TUSC3: variants seen among roughly 807,000 people sequenced by gnomAD.
The protein encoded by TUSC3 is tumor suppressor candidate 3.
TUSC3 carries 45 observed loss-of-function variants against 44.8 expected under a neutral mutation model. The observed-to-expected ratio is 1.00, with a 90% CI of 0.79 to 1.29. The LOEUF is 1.29. TUSC3 is among the 50% of genes most tolerant of loss of function. The pLI, the probability that TUSC3 is intolerant of heterozygous loss-of-function variation, is 0.00. For synonymous variants in TUSC3, 212 were observed against 152.9 expected (o/e 1.39, Z -2.85); for missense variants, 519 against 437.9 (o/e 1.19, Z -1.65).
At chr8:15,561,748 G>C (rs984634207) in intron 1 of TUSC3, 7 of 145,616 alleles carry the variant, frequency 4.8e-5, no homozygotes, top group Admixed American at 1.4e-4. Flanking sequence ...CAGTATTCGG[G>C]TATGAGTGAC....
rs185922804 is a variant in TUSC3, at chr8:15,601,737, A to G, written c.139-21343A>G. Among the ~76,000 whole-genome samples, 34 of 151,778 alleles carry G rather than the reference A, an allele frequency of 2.2e-4. 1 individual carries two copies. Among genetic ancestry groups the G allele is most frequent in the Middle Eastern group, 3.4e-3 (1 of 294 alleles). On this transcript the variant is annotated intron_variant, in intron 1 of 10. Coordinates refer to ENST00000503731, the MANE Select transcript of TUSC3 (RefSeq NM_006765.4). ...AAGTAAAGAAATGTACAGTGGTATTATGTATAGTAACAATGGTTCTAATGT... is the reference window on the plus strand; with the variant it reads ...AAGTAAAGAAATGTACAGTGGTATTGTGTATAGTAACAATGGTTCTAATGT...
chr8:15,774,003 T>A, the TUSC3 span, among the ~76,000 whole-genome samples: 1 of 152,182 alleles, frequency 6.6e-6, no homozygotes, highest in Non-Finnish European at 1.5e-5. Flanking sequence ...GTTTCTTGGA[T>A]ATGACTTCAA....
intron 2 of TUSC3, among the ~76,000 whole-genome samples, chr8:15,503,665 C>G (rs1801000185): frequency 6.6e-6 from 1 of 152,044 alleles, no homozygotes; most frequent in South Asian, 2.1e-4. Context: ...GTTCGTACCA[C>G]TCCACTCCAG....
chr8:15,836,202 A>G, the TUSC3 span, among the ~76,000 whole-genome samples: 2 of 151,938 alleles, frequency 1.3e-5, no homozygotes, highest in African/African-American at 4.8e-5. Context: ...ACAGCTGGGC[A>G]TGGTAGTACA....
intron 1 of TUSC3, among the ~76,000 whole-genome samples, chr8:15,482,745 G>C (rs1282128418): frequency 6.6e-6 from 1 of 152,108 alleles, no homozygotes; most frequent in African/African-American, 2.4e-5. Flanking sequence ...TGTATGTACA[G>C]AATAATAGCA....
At chr8:15,619,870 A>G (rs562092971) in intron 1 of TUSC3, among the ~76,000 whole-genome samples, 2 of 152,302 alleles carry the variant, frequency 1.3e-5, no homozygotes, top group South Asian at 2.1e-4. Context: ...TAGATCAAGG[A>G]TAATGGACAT....
intron 1 of TUSC3, among the ~76,000 whole-genome samples, chr8:15,566,760 A>G (rs1252578019): frequency 6.6e-6 from 1 of 151,956 alleles, no homozygotes; most frequent in African/African-American, 2.4e-5. Flanking sequence ...AGTAGCTGGG[A>G]TTATAGGCAC....
chr8:15,517,069 G>C (rs940120644), intron 2 of TUSC3, among the ~76,000 whole-genome samples: 1 of 152,082 alleles, frequency 6.6e-6, no homozygotes, highest in Non-Finnish European at 1.5e-5. Context: ...ACCCATGACC[G>C]ACGTCACTAA....
At chr8:15,438,350 C>T (rs934662255) in intron 1 of TUSC3, among the ~76,000 whole-genome samples, 3 of 152,142 alleles carry the variant, frequency 2.0e-5, no homozygotes, top group African/African-American at 4.8e-5. Context: ...CCTGCCTCGG[C>T]CCCCCAAAGT....
In TUSC3 at chr8:15,745,220, C is replaced by G. The variant is rs538667813; in HGVS notation, c.937+1608C>G. On this transcript the variant is annotated intron_variant, in intron 8 of 10. Transcript: ENST00000503731. ...GGTATATATGTACCATGGAATCAAC[C>G]TGGGTTGATTTCATTTTTTTGCTGA... Among the ~76,000 whole-genome samples the G allele has an allele frequency of 1.4e-4, 21 of 151,974 alleles. No individual in the cohort carries two copies. The East Asian group carries it at 3.9e-3, about 28-fold the overall frequency.
rs1563247219 is a variant in TUSC3, at chr8:15,423,981, T to TTG, written n.91+6677_91+6678insGT. ...ACTGTTTTGCTTTGTTTTTTTTTTT[T>TTG]TTTTTTTTTTTTTTTTTTTTTTTTT... On this transcript the variant is annotated intron_variant and non_coding_transcript_variant, in intron 1 of 5. Transcript: ENST00000503191. Among the ~76,000 whole-genome samples, 11 of 58,464 alleles carry TTG rather than the reference T, an allele frequency of 1.9e-4. 1 individual carries two copies. Among genetic ancestry groups the TTG allele is most frequent in the South Asian group, 7.9e-4 (1 of 1,268 alleles). 38.4% of individuals were successfully genotyped at this position (58,464 alleles called of 152,430 possible).
At chr8:15,753,758 A>T (rs1811806877) in intron 9 of TUSC3, among the ~76,000 whole-genome samples, 1 of 152,104 alleles carries the variant, frequency 6.6e-6, no homozygotes, top group Non-Finnish European at 1.5e-5. Flanking sequence ...AAAAGACTGC[A>T]GAGATATATA....
At chr8:15,530,028 A>G (rs998785815) in intron 2 of TUSC3, among the ~76,000 whole-genome samples, 2 of 126,262 alleles carry the variant, frequency 1.6e-5, no homozygotes. Context: ...CTCGTGATCC[A>G]CCCGCCTCGG....
intron 2 of TUSC3, among the ~76,000 whole-genome samples, chr8:15,502,386 G>A (rs773704326): frequency 3.9e-5 from 6 of 152,156 alleles, no homozygotes; most frequent in Non-Finnish European, 8.8e-5. Flanking sequence ...CTGCTTTTCA[G>A]AATGCCATCC....
chr8:15,454,934 G>A (rs1800236692), intron 1 of TUSC3, among the ~76,000 whole-genome samples: 1 of 152,104 alleles, frequency 6.6e-6, no homozygotes, highest in African/African-American at 2.4e-5. Flanking sequence ...ATATCTAGCA[G>A]ATGTAACAGG....
At chr8:15,832,732 T>C in the TUSC3 span, among the ~76,000 whole-genome samples, 1 of 152,088 alleles carries the variant, frequency 6.6e-6, no homozygotes, top group East Asian at 1.9e-4. Flanking sequence ...AAGACCTAAC[T>C]ATACTAAATA....
Position 15,588,537 on chromosome 8 carries a change from T to C in TUSC3, c.139-34543T>C, listed in dbSNP as rs184404715. The stretch of plus-strand genomic sequence containing the variant: ...CTCTTCACTCTGTTGTTTCCTTTGC[T>C]GTTCAGAAGCTTTTTAGTTTTATGT... On this transcript the variant is annotated intron_variant, in intron 1 of 10. Coordinates refer to ENST00000503731, the MANE Select transcript of TUSC3 (RefSeq NM_006765.4). 2.0e-4 allele frequency among the ~76,000 whole-genome samples: 31 copies of C among 152,326 alleles called. No homozygotes were observed. In the East Asian group the frequency reaches 3.5e-3, roughly 17 times the overall value.
the TUSC3 span, among the ~76,000 whole-genome samples, chr8:15,839,103 T>G: frequency 3.3e-5 from 5 of 152,268 alleles, no homozygotes; most frequent in Middle Eastern, 3.4e-3. Context: ...CCTAGGTATT[T>G]TCTTCTCTTT....
intron 1 of TUSC3, among the ~76,000 whole-genome samples, chr8:15,600,893 C>G (rs532550932): frequency 6.6e-6 from 1 of 151,456 alleles, no homozygotes; most frequent in African/African-American, 2.4e-5. Context: ...AATGGTGAAC[C>G]CAAATTGCAT....
Sources: allele counts gnomAD v4.1 joint callset (sites outside exome capture counted in the v4.1 genomes callset), GRCh38; gene constraint gnomAD v4.1.1; transcripts MANE v1.5; gene names NCBI Gene and HGNC (gene_info 2026-07-23, HGNC 2026-07-21).